Variants in SP7 observed in about 807,000 individuals in gnomAD.
The protein encoded by SP7 is Sp7 transcription factor.
In SP7, 13 loss-of-function variants were observed where a neutral mutation model predicts 27.9. The observed-to-expected ratio is 0.47, with a 90% confidence interval of 0.30 to 0.74. SP7 has a LOEUF of 0.74. Among genes scored for constraint, SP7 ranks in the 30% least tolerant of loss-of-function variants. The pLI is 0.06. For missense variants in SP7, 525 were observed against 558.0 expected, an observed-to-expected ratio of 0.94 and a Z score of 0.60; for synonymous variants, 219 against 226.7, an observed-to-expected ratio of 0.97 and a Z score of 0.31.
At chr12:53,339,586 G>C (rs968013065), upstream of SP7, among the ~76,000 whole-genome samples, 1 of 152,012 alleles carries the variant, frequency 6.6e-6, no homozygotes, top group East Asian at 1.9e-4. Context: ...TCAGCTGAGC[G>C]TGGTGACGGG....
rs1592534005 is a variant in SP7, at chr12:53,333,423, C to A, written c.21+2203G>T. ...AAGAACAAGATAGGAGCTGTCCCAACTCTCCCACCCAGATGTGGAGCAGGG... is the reference window on the plus strand; with the variant it reads ...AAGAACAAGATAGGAGCTGTCCCAAATCTCCCACCCAGATGTGGAGCAGGG... On this transcript the variant is annotated intron_variant, in intron 2 of 2. Coordinates refer to ENST00000536324, the MANE Select transcript of SP7 (RefSeq NM_001173467.3). Among the ~76,000 whole-genome samples, 5 of 152,260 alleles carry A rather than the reference C, an allele frequency of 3.3e-5. 1 individual carries two copies. The highest frequency in any genetic ancestry group is 3.3e-4 in the Admixed American group (5 of 15,298).
chr12:53,328,440 C>A lies in SP7; in HGVS notation c.1002G>T (p.Arg334Ser), dbSNP rs747515488. The change falls in exon 3 of 3, where the codon AGG becomes AGT. Residue 334 changes from arginine (R) to serine (S), a missense_variant. Physicochemically the swap from Arg to Ser is moderately radical, Grantham distance 110. Coordinates refer to ENST00000536324, the MANE Select transcript of SP7 (RefSeq NM_001173467.3). The surrounding 1 kb of genome is among the most constrained non-coding windows in gnomAD (Gnocchi z 5.1). ...GCTCCAGCTCATCCGAACGAGTGAA[C>A]CTCTTGCCGCAGAAGAGCCAGTTGC... ...FVCNWLFCGK[R>S]FTRSDELERH... The A allele has an allele frequency of 1.2e-6, 2 of 1,613,862 alleles. No individual in the cohort carries two copies. Among genetic ancestry groups the A allele is most frequent in the African/African-American group, 1.3e-5 (1 of 74,928 alleles).
At chr12:53,342,069 C>A (rs1205692407) in intron 1 of SP7, among the ~76,000 whole-genome samples, 2 of 109,082 alleles carry the variant, frequency 1.8e-5, no homozygotes, top group South Asian at 6.7e-4. Flanking sequence ...AAAAAAAAAA[C>A]AAAAAACAAA....
chr12:53,341,829 G>A (rs561503263), intron 1 of SP7, among the ~76,000 whole-genome samples: 1 of 152,332 alleles, frequency 6.6e-6, no homozygotes, highest in East Asian at 1.9e-4. Flanking sequence ...GAGAGGCTGA[G>A]GAGGGCGGAT....
Position 53,329,245 on chromosome 12 carries a change from G to T in SP7, c.197C>A (p.Ala66Asp), listed in dbSNP as rs796076750. Reference protein sequence around the residue: ...ASKTMGDAYPAPFTSTNGLLS... With the variant: ...ASKTMGDAYPDPFTSTNGLLS... The stretch of plus-strand genomic sequence containing the variant: ...GAGCCCATTAGTGCTTGTAAAGGGG[G>T]CTGGATAAGCATCCCCCATGGTTTT... The change falls in exon 3 of 3, where the codon GCC becomes GAC. Residue 66 changes from alanine to aspartate, a missense_variant. Physicochemically the swap from Ala to Asp is moderately radical, Grantham distance 126 (BLOSUM62 -2). Transcript: ENST00000536324. The T allele has an allele frequency of 2.5e-6, 4 of 1,613,804 alleles. No individual in the cohort carries two copies. Among genetic ancestry groups the T allele is most frequent in the Non-Finnish European group, 3.4e-6 (4 of 1,179,892 alleles).
upstream of SP7, among the ~76,000 whole-genome samples, chr12:53,337,130 T>C (rs1944780154): frequency 6.6e-6 from 1 of 152,246 alleles, no homozygotes; most frequent in Non-Finnish European, 1.5e-5. Flanking sequence ...TCCATATTCC[T>C]TGTCAGTTAC....
upstream of SP7, among the ~76,000 whole-genome samples, chr12:53,338,322 T>C (rs1409542944): frequency 6.6e-6 from 1 of 152,100 alleles, no homozygotes; most frequent in African/African-American, 2.4e-5. Context: ...CCAGATGGCT[T>C]TCCGGGGCCC....
At chr12:53,342,809 C>T (rs957418339) in intron 1 of SP7, among the ~76,000 whole-genome samples, 8 of 149,622 alleles carry the variant, frequency 5.3e-5, no homozygotes, top group East Asian at 1.9e-4. Context: ...AGAGAGACTC[C>T]GTCTCAAAAA....
rs1307798645 is a variant in SP7 at position 53,326,738 on chromosome 12, G to GT, written c.*1407_*1408insA. ...CAGAAAAGGAGGATCCAACGTTACA[G>GT]GAAAGGCACGAAGCGGCTTTAAAAG... On this transcript the variant is annotated 3_prime_UTR_variant, in exon 3 of 3. Transcript: ENST00000536324. 1.3e-5 allele frequency: 2 copies of GT among 152,572 alleles called. No individual in the cohort carries two copies. The highest frequency in any genetic ancestry group is 2.9e-5 in the Non-Finnish European group (2 of 68,046). The allele number at this position is 152,572 out of a possible 1,614,324, so 9.5% of individuals were successfully genotyped here.
intron 2 of SP7, among the ~76,000 whole-genome samples, chr12:53,334,209 C>T (rs1206573144): frequency 2.6e-5 from 4 of 152,114 alleles, no homozygotes; most frequent in African/African-American, 7.2e-5. Context: ...TGACAAGGGA[C>T]GTGGTGTCCA....
intron 2 of SP7, among the ~76,000 whole-genome samples, chr12:53,332,895 C>T (rs1441949006): frequency 1.3e-5 from 2 of 152,244 alleles, no homozygotes; most frequent in South Asian, 2.1e-4. Context: ...GGTTTCCCTG[C>T]GGTCGGTTTA....
At chr12:53,341,540 A>G (rs1044412524) in intron 1 of SP7, among the ~76,000 whole-genome samples, 3 of 152,224 alleles carry the variant, frequency 2.0e-5, no homozygotes, top group African/African-American at 7.2e-5. Flanking sequence ...CTAGAATCTG[A>G]TCCATGAAAT....
intron 2 of SP7, among the ~76,000 whole-genome samples, chr12:53,331,485 AAAAG>A (rs1944705032): frequency 6.6e-6 from 1 of 151,030 alleles, no homozygotes. Flanking sequence ...AAAAAAAAAA[AAAAG>A]AAAGGCAAAG....
upstream of SP7, among the ~76,000 whole-genome samples, chr12:53,336,596 C>T (rs773245713): frequency 6.6e-5 from 10 of 152,160 alleles, no homozygotes; most frequent in Middle Eastern, 3.4e-3. Flanking sequence ...TGAACACAGA[C>T]GGACACACAC....
At position 53,329,109 on chromosome 12, in the gene SP7, T is replaced by G; in HGVS notation, c.333A>C (p.Leu111=). 1 of 1,613,776 alleles carries G rather than the reference T, an allele frequency of 6.2e-7. No individual in the cohort carries two copies. Among genetic ancestry groups the G allele is most frequent in the Non-Finnish European group, 8.5e-7 (1 of 1,179,844 alleles). The change falls in exon 3 of 3, where the codon CTA becomes CTC. Residue 111 remains leucine, a synonymous_variant. Transcript: ENST00000536324. ...CAGAAGAGCTGTGCCCCTTGGGCAC[T>G]AGTAGCCCAGGGTCCTGGGTGCCTG... ...GPTGTQDPGL[L]VPKGHSSSDC... is the part of the protein sequence containing the mutation.
chr12:53,335,242 A>T (rs1944753269), intron 2 of SP7, among the ~76,000 whole-genome samples: 1 of 151,112 alleles, frequency 6.6e-6, no homozygotes, highest in South Asian at 2.1e-4. Context: ...TCTGCCTTCT[A>T]TCTCTTCTGC....
At chr12:53,337,133 T>A, upstream of SP7, among the ~76,000 whole-genome samples, 1 of 152,212 alleles carries the variant, frequency 6.6e-6, no homozygotes, top group East Asian at 1.9e-4. Context: ...ATATTCCTTG[T>A]CAGTTACCAT....
rs1197766858 is a variant in SP7 at position 53,328,905 on chromosome 12, T to C, written c.537A>G (p.Gln179=). Residue 179 remains glutamine, a synonymous_variant, in exon 3 of 3, where the codon CAA becomes CAG. Transcript: ENST00000536324. This position sits in a 1 kb window ranked among gnomAD's most constrained non-coding sequence, Gnocchi z 5.1. The stretch of plus-strand genomic sequence containing the variant: ...GAGCTGGACCTGTGGGCAGTGTCCC[T>C]TGCAGCCCATCACCCTGGCCCTGCC... The part of the protein sequence containing the change: ...GGGQGQGDGL[Q]GTLPTGPAQP... 4 of 1,612,092 alleles carry C rather than the reference T, an allele frequency of 2.5e-6. No individual in the cohort carries two copies. Among genetic ancestry groups the C allele is most frequent in the Non-Finnish European group, 3.4e-6 (4 of 1,178,998 alleles).
At chr12:53,340,639 G>A (rs1427594755), upstream of SP7, among the ~76,000 whole-genome samples, 1 of 152,186 alleles carries the variant, frequency 6.6e-6, no homozygotes, top group Non-Finnish European at 1.5e-5. Flanking sequence ...AGAGAAGCTT[G>A]GAAAGTTGCG....
Sources: allele counts gnomAD v4.1 joint callset (sites outside exome capture counted in the v4.1 genomes callset), GRCh38; gene constraint gnomAD v4.1.1; non-coding constraint Gnocchi (gnomAD v3.1); transcripts MANE v1.5; gene names NCBI Gene and HGNC (gene_info 2026-07-23, HGNC 2026-07-21).